The following GIMAP2 variants were observed in gnomAD, a reference collection of about 807,000 sequenced individuals.
GIMAP2 encodes the protein GTPase, IMAP family member 2.
GIMAP2 carries 22 observed loss-of-function variants against 25.5 expected under a neutral mutation model. The ratio of observed to expected loss-of-function variants is 0.86; its 90% CI spans 0.62 to 1.23. The LOEUF is 1.23. Among genes scored for constraint, GIMAP2 ranks in the 50% most tolerant of loss-of-function variants. The pLI is 0.00. For synonymous variants in GIMAP2, 167 were observed against 143.0 expected (o/e 1.17, Z -1.20); for missense variants, 422 against 395.7 (o/e 1.07, Z -0.56).
rs2116508992 is a variant in GIMAP2 at position 150,692,941 on chromosome 7, T to C, written c.655T>C (p.Tyr219His). ...TGGTGATCACTATACCAATGGGTTG[T>C]ACAGCCTAATACAGAGGTCTAAATG... ...KNGDHYTNGL[Y>H]SLIQRSKCGP... is the part of the protein sequence containing the mutation. Residue 219 changes from tyrosine to histidine, a missense_variant, in exon 3 of 3, where the codon TAC becomes CAC. Tyr to His is a moderately conservative substitution (Grantham distance 83). Transcript: ENST00000223293. 1 of 1,614,180 alleles carries C rather than the reference T, an allele frequency of 6.2e-7. No homozygotes were observed. Among genetic ancestry groups the C allele is most frequent in the Non-Finnish European group, 8.5e-7 (1 of 1,179,990 alleles).
At chr7:150,692,261 T>A (rs1252452914) in intron 2 of GIMAP2, 54 bp from the exon 3 acceptor site, 2 of 1,492,634 alleles carry the variant, frequency 1.3e-6, no homozygotes, top group Non-Finnish European at 1.8e-6. Flanking sequence ...GAAAAAAAAA[T>A]ATTCCACTGC....
Position 150,685,798 on chromosome 7 carries a change from T to G in GIMAP2, c.-9+13T>G, listed in dbSNP as rs527591729. 22 of 952,248 alleles carry G rather than the reference T, an allele frequency of 2.3e-5. No individual in the cohort carries two copies. Among genetic ancestry groups the G allele is most frequent in the Middle Eastern group, 5.4e-4 (1 of 1,862 alleles). The allele number at this position is 952,248 out of a possible 1,614,324, so 59.0% of individuals were successfully genotyped here. The stretch of plus-strand genomic sequence containing the variant: ...AACAGTAAATCAGGTAAGCCCAGAT[T>G]TACGAAAAGTTCTGCAGTGTTGATT... On this transcript the variant is annotated intron_variant, in intron 1 of 2. Coordinates refer to ENST00000223293, the MANE Select transcript of GIMAP2 (RefSeq NM_015660.3).
At chr7:150,686,797 A>G (rs1796905027) in intron 1 of GIMAP2, among the ~76,000 whole-genome samples, 1 of 151,958 alleles carries the variant, frequency 6.6e-6, no homozygotes, top group African/African-American at 2.4e-5. Flanking sequence ...TACAAAAATT[A>G]GATGGGCATG....
chr7:150,690,562 AG>A (rs1439065087), intron 2 of GIMAP2, among the ~76,000 whole-genome samples: 2 of 152,212 alleles, frequency 1.3e-5, no homozygotes, highest in African/African-American at 4.8e-5. Context: ...TGCTCAATAA[AG>A]GGTAGATTTC....
At chr7:150,692,280 G>A (rs761752430) in intron 2 of GIMAP2, 35 bp from the exon 3 acceptor site, 6 of 1,595,098 alleles carry the variant, frequency 3.8e-6, no homozygotes, top group Non-Finnish European at 5.1e-6. Context: ...GCCGTGATCA[G>A]TGTAGCGATA....
At position 150,692,583 on chromosome 7, in the gene GIMAP2, C is replaced by T; in HGVS notation, c.297C>T (p.Tyr99=). Residue 99 remains tyrosine (Y), a synonymous_variant, in exon 3 of 3, where the codon TAC becomes TAT. Coordinates refer to ENST00000223293, the MANE Select transcript of GIMAP2 (RefSeq NM_015660.3). ...TGTACAAAGAGGTGCAGAGGTGCTA[C>T]TTGCTGTCTGCACCAGGACCCCATG... ...EALYKEVQRC[Y]LLSAPGPHVL... 1.2e-6 allele frequency: 2 copies of T among 1,614,034 alleles called. No homozygotes were observed. Among genetic ancestry groups the T allele is most frequent in the Non-Finnish European group, 1.7e-6 (2 of 1,179,908 alleles).
chr7:150,693,168 G>A lies in GIMAP2; in HGVS notation c.882G>A (p.Met294Ile). Reference sequence around the variant, plus strand: ...TGTGGCTTTGCATACTGCACAGCATGTGCAATTTGTTTTGTTGCTTACTCT... The same window carrying A: ...TGTGGCTTTGCATACTGCACAGCATATGCAATTTGTTTTGTTGCTTACTCT... ...IILWLCILHS[M>I]CNLFCCLLFS... Residue 294 changes from methionine to isoleucine, a missense_variant, in exon 3 of 3, where the codon ATG becomes ATA. Met to Ile is a conservative substitution (Grantham distance 10). Coordinates refer to ENST00000223293, the MANE Select transcript of GIMAP2 (RefSeq NM_015660.3). The A allele has an allele frequency of 6.2e-7, 1 of 1,613,380 alleles. No homozygotes were observed. Among genetic ancestry groups the A allele is most frequent in the Non-Finnish European group, 8.5e-7 (1 of 1,179,466 alleles).
Position 150,693,446 on chromosome 7 carries a change from T to A in GIMAP2, c.*146T>A. The A allele has an allele frequency of 1.8e-6, 1 of 562,444 alleles. No homozygotes were observed. Among genetic ancestry groups the A allele is most frequent in the Admixed American group, 3.6e-5 (1 of 27,652 alleles). The allele number at this position is 562,444 out of a possible 1,614,324, so 34.8% of individuals were successfully genotyped here. A position where few individuals can be genotyped will look rare whatever the true frequency, so the allele number is the denominator to read the frequency against. ...TCACTCCAATTATTAATGAACCAAATCATACGATAAGTTACTGTTTGCATT... is the reference window on the plus strand; with the variant it reads ...TCACTCCAATTATTAATGAACCAAAACATACGATAAGTTACTGTTTGCATT... On this transcript the variant is annotated 3_prime_UTR_variant, in exon 3 of 3. Coordinates refer to ENST00000223293, the MANE Select transcript of GIMAP2 (RefSeq NM_015660.3).
rs774604195 is a variant in GIMAP2, at chr7:150,687,104, ACGTGTGTG to A, written c.28+18_28+25del. On this transcript the variant is annotated intron_variant, in intron 2 of 2. Coordinates refer to ENST00000223293, the MANE Select transcript of GIMAP2 (RefSeq NM_015660.3). ...GTCACTGGGGTAAGAAGGTGACTTC[ACGTGTGTG>A]TGTGTGTGTGTGTGTGTGTGTGTGT... 3 of 1,371,188 alleles carry A rather than the reference ACGTGTGTG, an allele frequency of 2.2e-6. No homozygotes were observed. The highest frequency in any genetic ancestry group is 3.0e-6 in the Non-Finnish European group (3 of 990,160). 84.9% of individuals were successfully genotyped at this position (1,371,188 alleles called of 1,614,324 possible).
intron 2 of GIMAP2, among the ~76,000 whole-genome samples, chr7:150,688,294 C>T (rs1322983895): frequency 6.6e-6 from 1 of 152,008 alleles, no homozygotes; most frequent in Non-Finnish European, 1.5e-5. Flanking sequence ...TCATGCCTGG[C>T]TAATTTTTAT....
intron 2 of GIMAP2, chr7:150,689,368 G>C (rs1796939705): frequency 1.8e-6 from 1 of 547,366 alleles, no homozygotes; most frequent in Non-Finnish European, 3.3e-6. Flanking sequence ...TTTGGATGCA[G>C]AGAATTCTCT....
intron 2 of GIMAP2, among the ~76,000 whole-genome samples, chr7:150,689,324 A>T (rs1433928104): frequency 6.6e-6 from 1 of 152,140 alleles, no homozygotes; most frequent in Non-Finnish European, 1.5e-5. Flanking sequence ...CCCAATATTT[A>T]TGAGTGGATG....
chr7:150,686,837 G>A (rs1311587858), intron 1 of GIMAP2, among the ~76,000 whole-genome samples: 4 of 151,104 alleles, frequency 2.6e-5, no homozygotes, highest in Non-Finnish European at 4.4e-5. Flanking sequence ...CCAGCTACTC[G>A]GGAGGCTGAG....
At position 150,692,958 on chromosome 7, in the gene GIMAP2, G is replaced by A. The variant is rs1273484260; in HGVS notation, c.672G>A (p.Arg224=). 6.2e-6 allele frequency: 10 copies of A among 1,614,066 alleles called. No individual in the cohort carries two copies. The East Asian group carries it at 2.0e-4, about 32-fold the overall frequency. Residue 224 remains arginine, a synonymous_variant, in exon 3 of 3, where the codon AGG becomes AGA. Coordinates refer to ENST00000223293, the MANE Select transcript of GIMAP2 (RefSeq NM_015660.3). ...ATGGGTTGTACAGCCTAATACAGAG[G>A]TCTAAATGTGGACCTGTGGGATCAG... is the stretch of plus-strand genomic sequence containing the variant. ...YTNGLYSLIQ[R]SKCGPVGSDE...
At chr7:150,689,646 G>A in intron 2 of GIMAP2, 1 of 652,154 alleles carries the variant, frequency 1.5e-6, no homozygotes, top group Non-Finnish European at 2.8e-6. Flanking sequence ...CTACTGTGAG[G>A]CCATAATTTC....
chr7:150,693,293 G>A lies in GIMAP2; in HGVS notation c.1007G>A (p.Arg336Lys). The change falls in exon 3 of 3, where the codon AGG becomes AAG. Residue 336 changes from arginine to lysine, a missense_variant. By Grantham distance (26) the Arg-to-Lys change is conservative. Coordinates refer to ENST00000223293, the MANE Select transcript of GIMAP2 (RefSeq NM_015660.3). The stretch of plus-strand genomic sequence containing the variant: ...ATTAGACTAGAACGCAAGACTCCTA[G>A]GTTATAGTTACAGATCCCAGTTATT... ...TVIRLERKTP[R>K]L 6.5e-7 allele frequency: 1 copy of A among 1,547,740 alleles called. No individual in the cohort carries two copies. The highest frequency in any genetic ancestry group is 8.7e-7 in the Non-Finnish European group (1 of 1,152,550).
Position 150,692,312 on chromosome 7 carries a change from C to A in GIMAP2, c.29-3C>A. On this transcript the variant is annotated splice_region_variant and splice_polypyrimidine_tract_variant and intron_variant, in intron 2 of 2. Transcript: ENST00000223293. ...GATAACACAGTAAACTTGCTCCTCA[C>A]AGGACCACATGCAAAGGGCCAATGT... 1 of 1,612,496 alleles carries A rather than the reference C, an allele frequency of 6.2e-7. No individual in the cohort carries two copies. The highest frequency in any genetic ancestry group is 8.5e-7 in the Non-Finnish European group (1 of 1,178,652).
intron 2 of GIMAP2, among the ~76,000 whole-genome samples, chr7:150,691,055 A>C (rs1796960983): frequency 6.6e-6 from 1 of 152,200 alleles, no homozygotes; most frequent in Admixed American, 6.5e-5. Flanking sequence ...GTTTGTTTGG[A>C]TATTCCCTCC....
intron 1 of GIMAP2, among the ~76,000 whole-genome samples, chr7:150,685,994 A>G (rs1796896146): frequency 6.6e-6 from 1 of 152,210 alleles, no homozygotes; most frequent in Non-Finnish European, 1.5e-5. Flanking sequence ...TCCATAGTAT[A>G]AAGTCAATAA....
Sources: gnomAD v4.1 joint callset for allele counts (sites outside exome capture counted in the v4.1 genomes callset) on GRCh38, gnomAD v4.1.1 for gene constraint, MANE v1.5 for transcripts, NCBI Gene and HGNC (gene_info 2026-07-23, HGNC 2026-07-21) for gene names.